RAPGEF4: variants seen among roughly 807,000 people sequenced by gnomAD.
RAPGEF4 encodes RAP guanine-nucleotide-exchange factor (GEF) 4.
RAPGEF4 carries 66 observed loss-of-function variants against 147.9 expected under a neutral mutation model. The ratio of observed to expected loss-of-function variants is 0.45; its 90% CI spans 0.37 to 0.55. The LOEUF is 0.55. RAPGEF4 is among the 20% of genes least tolerant of loss of function. RAPGEF4 has a pLI of 0.00. For synonymous variants in RAPGEF4, 419 were observed against 442.7 expected (o/e 0.95, Z 0.67); for missense variants, 1,071 against 1,257.3 (o/e 0.85, Z 2.24).
intron 4 of RAPGEF4, among the ~76,000 whole-genome samples, chr2:172,890,372 A>G (rs1697765857): frequency 6.6e-6 from 1 of 152,230 alleles, no homozygotes; most frequent in African/African-American, 2.4e-5. Flanking sequence ...ATAGATTTCT[A>G]ATTGGGCTAC....
At chr2:172,836,161 A>G (rs775083458) in intron 4 of RAPGEF4, among the ~76,000 whole-genome samples, 7 of 152,218 alleles carry the variant, frequency 4.6e-5, no homozygotes, top group Non-Finnish European at 1.0e-4. Context: ...TGAAAAAACA[A>G]TAGCTAACAA....
At chr2:172,931,188 T>TGG (rs1575283791) in intron 6 of RAPGEF4, among the ~76,000 whole-genome samples, 1 of 1,512 alleles carries the variant, frequency 6.6e-4, no homozygotes, top group Non-Finnish European at 1.6e-3. Context: ...GGGGGGGCGC[T>TGG]GGGGGGCGGG....
At chr2:172,947,423 T>C (rs1687781770) in intron 6 of RAPGEF4, among the ~76,000 whole-genome samples, 1 of 152,196 alleles carries the variant, frequency 6.6e-6, no homozygotes, top group Admixed American at 6.5e-5. Flanking sequence ...ATTTCCAGAA[T>C]CGCTGAAGGA....
At chr2:172,973,492 A>C (rs1434941090) in intron 10 of RAPGEF4, among the ~76,000 whole-genome samples, 2 of 152,194 alleles carry the variant, frequency 1.3e-5, no homozygotes, top group Non-Finnish European at 2.9e-5. Context: ...CTAGCCAGAT[A>C]GGGGCACAGG....
At chr2:172,960,893 T>C in intron 7 of RAPGEF4, 80 bp downstream of exon 7, 1 of 1,200,006 alleles carries the variant, frequency 8.3e-7, no homozygotes, top group Non-Finnish European at 1.2e-6. Context: ...TGTCAGGGGA[T>C]CACATCAGGA....
intron 1 of RAPGEF4, among the ~76,000 whole-genome samples, chr2:172,794,459 A>G (rs1021650289): frequency 1.3e-5 from 2 of 152,194 alleles, no homozygotes; most frequent in Non-Finnish European, 2.9e-5. Flanking sequence ...TTTACACAGA[A>G]AACTAAGAAG....
chr2:172,952,535 A>C (rs1182249579), intron 6 of RAPGEF4, among the ~76,000 whole-genome samples: 1 of 152,230 alleles, frequency 6.6e-6, no homozygotes, highest in Non-Finnish European at 1.5e-5. Context: ...GCTTGTGTAC[A>C]TCTCTTAGCT....
chr2:172,831,751 A>G (rs1161985908), intron 4 of RAPGEF4, among the ~76,000 whole-genome samples: 1 of 152,124 alleles, frequency 6.6e-6, no homozygotes, highest in East Asian at 1.9e-4. Context: ...AGACTATGGG[A>G]TATCAAATTG....
intron 1 of RAPGEF4, chr2:172,744,144 A>G (rs998753114): frequency 9.0e-6 from 2 of 221,830 alleles, no homozygotes; most frequent in South Asian, 5.9e-5. Flanking sequence ...TCCCTTTCCT[A>G]TGTCCTTTTC....
chr2:172,967,190 A>G, intron 9 of RAPGEF4, 71 bp from the exon 10 acceptor site: 1 of 1,477,096 alleles, frequency 6.8e-7, no homozygotes, highest in African/African-American at 1.4e-5. Context: ...GACACTCTGC[A>G]TTTGTTTCTA....
At chr2:172,743,427 C>A (rs190003598) in intron 1 of RAPGEF4, among the ~76,000 whole-genome samples, 1 of 152,208 alleles carries the variant, frequency 6.6e-6, no homozygotes. Flanking sequence ...TCTCTCCATG[C>A]CAGCTCTTTC....
chr2:172,954,400 G>A (rs1279523682), intron 6 of RAPGEF4, among the ~76,000 whole-genome samples: 4 of 152,038 alleles, frequency 2.6e-5, no homozygotes, highest in Non-Finnish European at 5.9e-5. Flanking sequence ...GGCCATAAGC[G>A]ACAACTTTCA....
intron 1 of RAPGEF4, among the ~76,000 whole-genome samples, chr2:172,757,812 A>G (rs961473141): frequency 6.6e-6 from 1 of 152,228 alleles, no homozygotes; most frequent in African/African-American, 2.4e-5. Context: ...TTGAGGCATT[A>G]CTGTAATGAG....
At chr2:172,893,643 A>G (rs1050484761) in intron 4 of RAPGEF4, 4 of 152,240 alleles carry the variant, frequency 2.6e-5, no homozygotes, top group Non-Finnish European at 5.9e-5. Flanking sequence ...ATTAGTCACT[A>G]TCAAATTTTT....
At chr2:172,759,784 A>G (rs993467961) in intron 1 of RAPGEF4, among the ~76,000 whole-genome samples, 1 of 152,250 alleles carries the variant, frequency 6.6e-6, no homozygotes, top group African/African-American at 2.4e-5. Context: ...TGCCAAAAAG[A>G]CAACTATAGA....
At chr2:172,777,999 A>C (rs1323758242) in intron 1 of RAPGEF4, among the ~76,000 whole-genome samples, 2 of 152,140 alleles carry the variant, frequency 1.3e-5, no homozygotes, top group African/African-American at 4.8e-5. Context: ...TTTCTAATAA[A>C]TAAAAATTTC....
chr2:172,961,850 C>A (rs1198496438), intron 8 of RAPGEF4, among the ~76,000 whole-genome samples: 1 of 152,186 alleles, frequency 6.6e-6, no homozygotes, highest in Non-Finnish European at 1.5e-5. Flanking sequence ...AAGAATACAG[C>A]AGTGAACAAA....
chr2:172,921,951 C>G (rs1174349468), intron 5 of RAPGEF4, among the ~76,000 whole-genome samples: 3 of 152,174 alleles, frequency 2.0e-5, no homozygotes, highest in Non-Finnish European at 4.4e-5. Context: ...TCCGAGTGTT[C>G]TGGTGCCTAA....
At chr2:172,967,065 G>A (rs769358744) in intron 9 of RAPGEF4, 196 bp from the exon 10 acceptor site, 21 of 550,702 alleles carry the variant, frequency 3.8e-5, no homozygotes, top group Admixed American at 6.4e-5. Context: ...AGAGAGGGCT[G>A]TGGTGTGCAT....
Sources: gnomAD v4.1 joint callset for allele counts (sites outside exome capture counted in the v4.1 genomes callset) on GRCh38, gnomAD v4.1.1 for gene constraint, MANE v1.5 for transcripts, NCBI Gene and HGNC (gene_info 2026-07-23, HGNC 2026-07-21) for gene names.